Variants in SULT2B1 observed in about 807,000 individuals in gnomAD.
SULT2B1 encodes sulfotransferase family 2B member 1, also known as sulfotransferase 2B1.
SULT2B1 carries 16 observed loss-of-function variants against 33.2 expected under a neutral mutation model. That is an observed-to-expected ratio of 0.48 (90% CI 0.33 to 0.73). SULT2B1 has a LOEUF of 0.73. Among genes scored for constraint, SULT2B1 ranks in the 30% least tolerant of loss-of-function variants. SULT2B1 has a pLI of 0.02. For synonymous variants in SULT2B1, 186 were observed against 200.5 expected (o/e 0.93, Z 0.61); for missense variants, 500 against 506.0 (o/e 0.99, Z 0.11).
rs769594886 is a variant in SULT2B1 at position 48,587,370 on chromosome 19, C to T, written c.356C>T (p.Pro119Leu). 1.9e-6 allele frequency: 3 copies of T among 1,614,074 alleles called. No homozygotes were observed. In the Admixed American group the frequency reaches 5.0e-5, roughly 27 times the overall value. ...TTCAGCCTCCCGGACCAGTACAGCCCCCGCCTCATGAGCTCCCATCTTCCC... is the reference window on the plus strand; with the variant it reads ...TTCAGCCTCCCGGACCAGTACAGCCTCCGCCTCATGAGCTCCCATCTTCCC... ...GAFSLPDQYS[P>L]RLMSSHLPIQ... Residue 119 changes from proline (P) to leucine (L), a missense_variant, in exon 3 of 7, where the codon CCC becomes CTC. By Grantham distance (98) the Pro-to-Leu change is moderately conservative. Coordinates refer to ENST00000201586, the MANE Select transcript of SULT2B1 (RefSeq NM_177973.2).
chr19:48,592,698 C>G, intron 4 of SULT2B1, 24 bp from the exon 5 acceptor site: 1 of 1,566,964 alleles, frequency 6.4e-7, no homozygotes, highest in Non-Finnish European at 8.7e-7. Flanking sequence ...TCAGCCCTCA[C>G]CCCACTTGTC....
intron 1 of SULT2B1, chr19:48,575,717 G>A (rs1196283456): frequency 9.2e-6 from 6 of 650,002 alleles, no homozygotes; most frequent in Non-Finnish European, 1.4e-5. Flanking sequence ...CTGACCTCAG[G>A]TGATCCACCC....
At chr19:48,595,459 G>A (rs929331926) in intron 5 of SULT2B1, among the ~76,000 whole-genome samples, 3 of 152,066 alleles carry the variant, frequency 2.0e-5, no homozygotes, top group Admixed American at 2.0e-4. Flanking sequence ...TGTATGGGGG[G>A]CTTGGATCAG....
At chr19:48,565,127 T>C (rs750989968) in intron 1 of SULT2B1, among the ~76,000 whole-genome samples, 15 of 151,812 alleles carry the variant, frequency 9.9e-5, no homozygotes, top group African/African-American at 2.4e-5. Context: ...GGTTTCGCCA[T>C]GTTAGACGGG....
intron 1 of SULT2B1, among the ~76,000 whole-genome samples, chr19:48,569,753 G>A (rs8108153): frequency 0.65 from 98,136 of 150,642 alleles, 32,350 homozygotes; most frequent in African/African-American, 0.76. Context: ...CATGACCTCC[G>A]CCTCCCAGGT....
chr19:48,596,732 C>A lies in SULT2B1; in HGVS notation c.646-7C>A, dbSNP rs1973720082. ...TCCCTCCGCTGACCCCTCTCCCCTG[C>A]CTGCAGGACTTACAGGGCTCCGTGG... On this transcript the variant is annotated splice_region_variant and splice_polypyrimidine_tract_variant and intron_variant, in intron 5 of 6. Coordinates refer to ENST00000201586, the MANE Select transcript of SULT2B1 (RefSeq NM_177973.2). The A allele has an allele frequency of 6.3e-7, 1 of 1,598,864 alleles. No individual in the cohort carries two copies. The highest frequency in any genetic ancestry group is 8.5e-7 in the Non-Finnish European group (1 of 1,177,522).
At chr19:48,559,738 A>T (rs573356435) in intron 1 of SULT2B1, among the ~76,000 whole-genome samples, 9 of 150,730 alleles carry the variant, frequency 6.0e-5, no homozygotes, top group African/African-American at 2.2e-4. Flanking sequence ...CCTGGAGTGG[A>T]GGCCCTAAGA....
At position 48,599,185 on chromosome 19, in the gene SULT2B1, T is replaced by A; in HGVS notation, c.877T>A (p.Phe293Ile). ...NHFTVAQSEA[F>I]DRAYRKQMRG... ...CTTCACGGTGGCCCAGAGCGAAGCCTTCGATCGTGCCTACCGCAAGCAGAT... is the reference window on the plus strand; with the variant it reads ...CTTCACGGTGGCCCAGAGCGAAGCCATCGATCGTGCCTACCGCAAGCAGAT... Residue 293 changes from phenylalanine (F) to isoleucine (I), a missense_variant, in exon 7 of 7, where the codon TTC (phenylalanine) becomes ATC (isoleucine). Transcript: ENST00000201586. The surrounding 1 kb of genome is among the most constrained non-coding windows in gnomAD (Gnocchi z 4.1). The A allele has an allele frequency of 6.2e-7, 1 of 1,602,222 alleles. No homozygotes were observed. The highest frequency in any genetic ancestry group is 8.5e-7 in the Non-Finnish European group (1 of 1,176,894).
At chr19:48,592,283 C>T (rs1360611205) in intron 4 of SULT2B1, among the ~76,000 whole-genome samples, 1 of 151,600 alleles carries the variant, frequency 6.6e-6, no homozygotes, top group Non-Finnish European at 1.5e-5. Context: ...CAGAGTGAGA[C>T]TCCGTCTCAA....
Position 48,591,653 on chromosome 19 carries a change from C to A in SULT2B1, c.468C>A (p.Leu156=). Residue 156 remains leucine, a synonymous_variant, in exon 4 of 7, where the codon CTC becomes CTA. Coordinates refer to ENST00000201586, the MANE Select transcript of SULT2B1 (RefSeq NM_177973.2). ...ACCCCCGGGACGTTGTGGTCTCCCT[C>A]TATCATTACTCCAAGATCGCCGGGC... The part of the protein sequence containing the change: ...GRNPRDVVVS[L]YHYSKIAGQL... 1 of 1,613,628 alleles carries A rather than the reference C, an allele frequency of 6.2e-7. No homozygotes were observed. The highest frequency in any genetic ancestry group is 8.5e-7 in the Non-Finnish European group (1 of 1,179,754).
At chr19:48,592,866 C>A in intron 5 of SULT2B1, 50 bp downstream of exon 5, 1 of 1,460,624 alleles carries the variant, frequency 6.8e-7, no homozygotes, top group South Asian at 1.2e-5. Context: ...ACCCTCTGCT[C>A]ACACCCCACA....
intron 3 of SULT2B1, among the ~76,000 whole-genome samples, chr19:48,589,023 C>T (rs1286524466): frequency 2.6e-5 from 4 of 152,200 alleles, no homozygotes; most frequent in African/African-American, 9.7e-5. Context: ...GCAGGGATCG[C>T]AGCAGAGGAG....
chr19:48,586,197 G>T (rs1973559654), intron 2 of SULT2B1, among the ~76,000 whole-genome samples: 1 of 152,182 alleles, frequency 6.6e-6, no homozygotes, highest in East Asian at 1.9e-4. Context: ...ACTCCAGCCT[G>T]GGTGACAGAG....
chr19:48,576,359 C>CTTTTCTTTTTTTCTTTTTTTT, intron 2 of SULT2B1, among the ~76,000 whole-genome samples: 2 of 96,716 alleles, frequency 2.1e-5, no homozygotes, highest in Non-Finnish European at 3.8e-5. Context: ...CTCTACTTCT[C>CTTTTCTTTTTTTCTTTTTTTT]TTTTTTTTTT....
intron 1 of SULT2B1, among the ~76,000 whole-genome samples, chr19:48,572,785 T>C (rs888680536): frequency 2.6e-5 from 4 of 151,720 alleles, no homozygotes; most frequent in Non-Finnish European, 2.9e-5. Flanking sequence ...TGGGCAGGAA[T>C]GCAGGGACAG....
At chr19:48,564,480 G>C (rs1209684286) in intron 1 of SULT2B1, among the ~76,000 whole-genome samples, 3 of 141,964 alleles carry the variant, frequency 2.1e-5, no homozygotes, top group Non-Finnish European at 4.5e-5. Flanking sequence ...TTGAACCCAG[G>C]AGGCAAGGTT....
At chr19:48,560,000 C>T (rs987279838) in intron 1 of SULT2B1, among the ~76,000 whole-genome samples, 2 of 151,822 alleles carry the variant, frequency 1.3e-5, no homozygotes, top group African/African-American at 4.8e-5. Flanking sequence ...GAAGAATGCC[C>T]ACAGGAAGGC....
intron 3 of SULT2B1, 107 bp downstream of exon 3, chr19:48,587,544 A>G: frequency 7.9e-7 from 1 of 1,269,490 alleles, no homozygotes; most frequent in Non-Finnish European, 1.1e-6. Context: ...TTTGTTAAAC[A>G]CCTACTATGT....
At chr19:48,562,370 G>C (rs1188251784) in intron 1 of SULT2B1, among the ~76,000 whole-genome samples, 1 of 150,870 alleles carries the variant, frequency 6.6e-6, no homozygotes, top group Non-Finnish European at 1.5e-5. Context: ...TGGGCAACAA[G>C]AGCGAAACTC....
Sources: allele counts gnomAD v4.1 joint callset (sites outside exome capture counted in the v4.1 genomes callset), GRCh38; gene constraint gnomAD v4.1.1; non-coding constraint Gnocchi (gnomAD v3.1); transcripts MANE v1.5; gene names NCBI Gene and HGNC (gene_info 2026-07-23, HGNC 2026-07-21).